The following PROSER3 variants were observed in gnomAD, a reference collection of about 807,000 sequenced individuals.
PROSER3 encodes the protein proline and serine rich 3.
A neutral mutation model predicts 50.2 loss-of-function variants in PROSER3; 33 were observed. That is an observed-to-expected ratio of 0.66 (90% CI 0.50 to 0.88). The LOEUF (loss-of-function observed/expected upper bound fraction) is 0.88, where lower values mean the gene tolerates loss of function less well. Among genes scored for constraint, PROSER3 ranks in the 40% least tolerant of loss-of-function variants. The probability of loss-of-function intolerance (pLI) is 0.00; values close to 1 mark genes in which losing one functional copy is unlikely to be tolerated. For synonymous variants in PROSER3, 266 were observed against 259.3 expected (o/e 1.03, Z -0.25); for missense variants, 623 against 612.7 (o/e 1.02, Z -0.18).
At chr19:35,765,422 G>T (rs890129247) in intron 7 of PROSER3, among the ~76,000 whole-genome samples, 2 of 152,096 alleles carry the variant, frequency 1.3e-5, no homozygotes, top group East Asian at 1.9e-4. Flanking sequence ...AATTAGCCAC[G>T]CGTGGTACAT....
intron 7 of PROSER3, 80 bp from the exon 8 acceptor site, chr19:35,766,688 G>A: frequency 1.0e-6 from 1 of 977,642 alleles, no homozygotes; most frequent in Non-Finnish European, 1.5e-6. Flanking sequence ...CACAGTTGGA[G>A]GGCGTGTGTG....
At chr19:35,758,504 AT>A in intron 1 of PROSER3, 1 of 393,942 alleles carries the variant, frequency 2.5e-6, no homozygotes, top group Non-Finnish European at 4.5e-6. Context: ...GAATTTCTTC[AT>A]TTTGAAATGG....
intron 5 of PROSER3, among the ~76,000 whole-genome samples, chr19:35,763,426 G>A (rs1392346310): frequency 2.7e-5 from 4 of 149,094 alleles, no homozygotes; most frequent in African/African-American, 9.9e-5. Flanking sequence ...GGCTTGTCTC[G>A]AACTCCTGAC....
rs572908429 is a variant in PROSER3 at position 35,767,623 on chromosome 19, T to C, written c.958-181T>C. 14 of 743,206 alleles carry C rather than the reference T, an allele frequency of 1.9e-5. No homozygotes were observed. The African/African-American group carries it at 2.0e-4, about 10-fold the overall frequency. The allele number at this position is 743,206 out of a possible 1,614,324, so 46.0% of individuals were successfully genotyped here. On this transcript the variant is annotated intron_variant, in intron 8 of 10. Transcript: ENST00000396908. The stretch of plus-strand genomic sequence containing the variant: ...CTGCAGCTGGCCAGGGACCTGGCCC[T>C]CAGCTCAGGGGTGTCCTGGGCCAGG...
chr19:35,766,616 CT>C, intron 7 of PROSER3, among the ~76,000 whole-genome samples, 151 bp from the exon 8 acceptor site: 1 of 152,142 alleles, frequency 6.6e-6, no homozygotes. Context: ...ACCCCTTCCC[CT>C]CTTCCCACCC....
intron 1 of PROSER3, chr19:35,759,005 A>G (rs1228374578): frequency 5.4e-6 from 1 of 186,020 alleles, no homozygotes; most frequent in Non-Finnish European, 1.1e-5. Flanking sequence ...CCACTTCGCA[A>G]TCACCTGGGA....
downstream of PROSER3, chr19:35,769,295 C>T (rs1299815209): frequency 2.0e-5 from 3 of 148,770 alleles, no homozygotes; most frequent in Non-Finnish European, 4.4e-5. Context: ...AGGCGTGCCT[C>T]TCCCCAGCTT....
chr19:35,766,806 G>C, exon 8 of PROSER3: 2 of 1,551,060 alleles, frequency 1.3e-6, no homozygotes, highest in Non-Finnish European at 1.7e-6. Flanking sequence ...CCCCACCCCT[G>C]CTCCAGCCCC....
At chr19:35,761,942 C>T (rs1169982797) in intron 3 of PROSER3, 77 bp from the exon 4 acceptor site, 27 of 1,441,906 alleles carry the variant, frequency 1.9e-5, no homozygotes, top group African/African-American at 1.6e-4. Flanking sequence ...GCTTGGTAAA[C>T]GTTGGCTGCT....
chr19:35,768,136 T>G lies in PROSER3; in HGVS notation c.1220-19T>G. On this transcript the variant is annotated intron_variant, in intron 9 of 10. Transcript: ENST00000396908. Reference sequence around the variant, plus strand: ...AAGAGGCCGGCCCCTTGGAGCTCATTCTTTTCTCCCCGGCCCAGACTCCGA... The same window carrying G: ...AAGAGGCCGGCCCCTTGGAGCTCATGCTTTTCTCCCCGGCCCAGACTCCGA... 1.2e-6 allele frequency: 2 copies of G among 1,611,082 alleles called. No homozygotes were observed. The highest frequency in any genetic ancestry group is 1.7e-6 in the Non-Finnish European group (2 of 1,178,414).
At chr19:35,766,788 G>T (rs1414650994) in exon 8 of PROSER3, 1 of 1,550,228 alleles carries the variant, frequency 6.5e-7, no homozygotes, top group East Asian at 2.4e-5. Context: ...ACCAGCCCAG[G>T]CCCAGACCCC....
chr19:35,764,762 G>T (rs776525211), intron 5 of PROSER3, 92 bp from the exon 6 acceptor site: 32 of 1,147,290 alleles, frequency 2.8e-5, no homozygotes, highest in Non-Finnish European at 3.9e-5. Flanking sequence ...GTTACCAAGG[G>T]CAGTACAACC....
chr19:35,759,294 G>A (rs774348515), intron 1 of PROSER3, 80 bp from the exon 2 acceptor site: 4 of 1,098,920 alleles, frequency 3.6e-6, no homozygotes, highest in Non-Finnish European at 5.4e-6. Context: ...GAATTGTCTG[G>A]TTCTGCCCTC....
chr19:35,768,236 G>A, exon 10 of PROSER3: 1 of 1,611,102 alleles, frequency 6.2e-7, no homozygotes, highest in East Asian at 2.2e-5. Context: ...CGGCAGAAAA[G>A]GTGACCGACC....
chr19:35,759,820 G>A (rs1331048229), exon 3 of PROSER3: 8 of 1,569,896 alleles, frequency 5.1e-6, no homozygotes, highest in South Asian at 4.7e-5. Flanking sequence ...CAGAGATCCA[G>A]GCTCCCACAA....
intron 8 of PROSER3, chr19:35,767,779 A>G: frequency 6.3e-7 from 1 of 1,599,290 alleles, no homozygotes; most frequent in Non-Finnish European, 8.5e-7. Flanking sequence ...CTCCCCCTCC[A>G]TCTGAATCCC....
chr19:35,768,621 G>A lies in PROSER3; in HGVS notation c.*76G>A, dbSNP rs906041912. 13 of 1,492,026 alleles carry A rather than the reference G, an allele frequency of 8.7e-6. No individual in the cohort carries two copies. The African/African-American group carries it at 1.8e-4, about 21-fold the overall frequency. 92.4% of individuals were successfully genotyped at this position (1,492,026 alleles called of 1,614,324 possible). A position where few individuals can be genotyped will look rare whatever the true frequency, so the allele number is the denominator to read the frequency against. ...CAGTTACTGGTTATCTGTGAGAAAG[G>A]GGTTGTTTGGAAAGGCCAAGGGGTC... On this transcript the variant is annotated 3_prime_UTR_variant, in exon 11 of 11. Coordinates refer to ENST00000396908, the Ensembl canonical transcript of PROSER3.
At position 35,766,973 on chromosome 19, in the gene PROSER3, G is replaced by A. The variant is rs1418010091; in HGVS notation, c.957+18G>A. ...GCACGTTGGTGAGCCGAGGGAGGGA[G>A]GAGCCTGGGGGGAGCTGGAGGAGGG... On this transcript the variant is annotated intron_variant, in intron 8 of 10. Coordinates refer to ENST00000396908, the Ensembl canonical transcript of PROSER3. The A allele has an allele frequency of 3.3e-6, 5 of 1,537,860 alleles. No individual in the cohort carries two copies. Among genetic ancestry groups the A allele is most frequent in the African/African-American group, 1.4e-5 (1 of 72,978 alleles).
downstream of PROSER3, chr19:35,769,707 G>A (rs1175681724): frequency 2.0e-5 from 3 of 152,216 alleles, no homozygotes; most frequent in Admixed American, 1.3e-4. Context: ...CAGTTAACCA[G>A]GAAATCCTGC....
Sources: gnomAD v4.1 joint callset for allele counts (sites outside exome capture counted in the v4.1 genomes callset) on GRCh38, gnomAD v4.1.1 for gene constraint, MANE v1.5 for transcripts, NCBI Gene and HGNC (gene_info 2026-07-23, HGNC 2026-07-21) for gene names.